Variants in FRK observed in about 807,000 individuals in gnomAD.
The protein encoded by FRK is fyn related Src family tyrosine kinase, also known as tyrosine-protein kinase FRK.
In FRK, 51 loss-of-function variants were observed where a neutral mutation model predicts 56.4. The ratio of observed to expected loss-of-function variants is 0.90; its 90% CI spans 0.72 to 1.14. FRK has a LOEUF of 1.14. Among genes scored for constraint, FRK ranks in the 50% most tolerant of loss-of-function variants. The pLI is 0.00. For synonymous variants in FRK, 245 were observed against 217.9 expected, an observed-to-expected ratio of 1.12 and a Z score of -1.10; for missense variants, 570 against 601.4, an observed-to-expected ratio of 0.95 and a Z score of 0.55.
At chr6:116,042,841 A>G (rs1776775597) in intron 1 of FRK, among the ~76,000 whole-genome samples, 1 of 152,210 alleles carries the variant, frequency 6.6e-6, no homozygotes. Flanking sequence ...CAGGAGATCC[A>G]TCTCACGTGC....
rs1772085850 is a variant in FRK at position 115,938,213 on chromosome 6, T to A, written c.*4201A>T. The A allele has an allele frequency of 6.6e-6, 1 of 152,208 alleles. No individual in the cohort carries two copies. Among genetic ancestry groups the A allele is most frequent in the Non-Finnish European group, 1.5e-5 (1 of 68,050 alleles). 9.4% of individuals were successfully genotyped at this position (152,208 alleles called of 1,614,324 possible). On this transcript the variant is annotated 3_prime_UTR_variant, in exon 8 of 8. Transcript: ENST00000606080. ...ACTACTTGGAAACTGAACAACCTGC[T>A]CCTGAATGACTACTGGGTAAATAAT...
intron 2 of FRK, among the ~76,000 whole-genome samples, chr6:115,976,249 A>G (rs1773987632): frequency 6.6e-6 from 1 of 152,172 alleles, no homozygotes; most frequent in Admixed American, 6.6e-5. Flanking sequence ...ATAAAAGAAT[A>G]CTGTGAGATT....
chr6:116,069,348 T>C, the FRK span, among the ~76,000 whole-genome samples: 650 of 152,328 alleles, frequency 4.3e-3, 7 homozygotes, highest in African/African-American at 0.015. Flanking sequence ...TTACTGTTCA[T>C]CTTCAAGTTT....
At chr6:116,002,240 G>A (rs1292563631) in intron 2 of FRK, among the ~76,000 whole-genome samples, 1 of 152,200 alleles carries the variant, frequency 6.6e-6, no homozygotes, top group Non-Finnish European at 1.5e-5. Flanking sequence ...CCAGCCTGGT[G>A]GAGCATCTTT....
chr6:116,059,763 G>A (rs1160342535), intron 1 of FRK, among the ~76,000 whole-genome samples: 2 of 152,150 alleles, frequency 1.3e-5, no homozygotes, highest in Admixed American at 6.5e-5. Context: ...TACTGTAATT[G>A]AAGTCATCTC....
chr6:116,026,118 C>G (rs1380086598), intron 1 of FRK, among the ~76,000 whole-genome samples: 1 of 152,086 alleles, frequency 6.6e-6, no homozygotes, highest in Non-Finnish European at 1.5e-5. Flanking sequence ...AGTAATCTAC[C>G]AATAACTCAA....
chr6:116,071,248 G>T, the FRK span, among the ~76,000 whole-genome samples: 2 of 152,104 alleles, frequency 1.3e-5, no homozygotes, highest in Non-Finnish European at 2.9e-5. Flanking sequence ...TGATATGTAT[G>T]CATTTGGTTC....
chr6:115,974,838 C>T (rs1257182323), intron 2 of FRK, among the ~76,000 whole-genome samples: 2 of 152,094 alleles, frequency 1.3e-5, no homozygotes, highest in African/African-American at 4.8e-5. Flanking sequence ...ATCCTCAGAG[C>T]CAGCCTTCTC....
At chr6:116,052,122 T>C (rs1777201795) in intron 1 of FRK, among the ~76,000 whole-genome samples, 1 of 152,184 alleles carries the variant, frequency 6.6e-6, no homozygotes, top group African/African-American at 2.4e-5. Context: ...TTACAGTCTG[T>C]TCCTGACTTG....
intron 2 of FRK, among the ~76,000 whole-genome samples, chr6:115,991,475 T>C (rs142301133): frequency 0.012 from 1,840 of 151,938 alleles, 44 homozygotes; most frequent in African/African-American, 0.042. Context: ...GTTTTTATTA[T>C]GAAGGGATGT....
intron 4 of FRK, among the ~76,000 whole-genome samples, chr6:115,957,544 T>C (rs1216555320): frequency 1.3e-5 from 2 of 152,228 alleles, no homozygotes; most frequent in African/African-American, 4.8e-5. Flanking sequence ...AAGAGACTAC[T>C]ACATTCATCA....
chr6:115,962,158 G>C (rs367755672), intron 4 of FRK, among the ~76,000 whole-genome samples: 1 of 137,832 alleles, frequency 7.3e-6, no homozygotes, highest in African/African-American at 2.8e-5. Context: ...CCCATCTCAC[G>C]TGCAGAGACA....
At chr6:116,058,318 T>C (rs1249003178) in intron 1 of FRK, among the ~76,000 whole-genome samples, 1 of 152,232 alleles carries the variant, frequency 6.6e-6, no homozygotes, top group Non-Finnish European at 1.5e-5. Context: ...ACTTGATAAC[T>C]GATCAATTCC....
intron 2 of FRK, among the ~76,000 whole-genome samples, chr6:115,985,917 T>A (rs866882869): frequency 1.3e-5 from 1 of 78,930 alleles, no homozygotes; most frequent in Non-Finnish European, 3.0e-5. Flanking sequence ...TCATTATGAT[T>A]AGAATGCTGA....
intron 2 of FRK, among the ~76,000 whole-genome samples, chr6:115,990,899 A>G (rs1774577407): frequency 6.6e-6 from 1 of 151,930 alleles, no homozygotes; most frequent in East Asian, 1.9e-4. Context: ...CTTCCTATCC[A>G]TGAGCATGGG....
At chr6:116,093,626 C>A in the FRK span, among the ~76,000 whole-genome samples, 1 of 152,218 alleles carries the variant, frequency 6.6e-6, no homozygotes, top group Non-Finnish European at 1.5e-5. Context: ...TGGATCCCCA[C>A]TGGGACCTTG....
At chr6:115,991,499 A>G (rs1774603282) in intron 2 of FRK, among the ~76,000 whole-genome samples, 1 of 151,734 alleles carries the variant, frequency 6.6e-6, no homozygotes, top group Non-Finnish European at 1.5e-5. Flanking sequence ...ATTTTATTGA[A>G]TGTTTTTGCT....
the FRK span, among the ~76,000 whole-genome samples, chr6:116,095,673 T>C: frequency 3.9e-5 from 6 of 152,280 alleles, 1 homozygote; most frequent in South Asian, 1.2e-3. Flanking sequence ...ATGATCCTAC[T>C]ACCACACACT....
chr6:115,948,315 T>A (rs1240703733), intron 5 of FRK, among the ~76,000 whole-genome samples: 1 of 152,122 alleles, frequency 6.6e-6, no homozygotes, highest in Admixed American at 6.6e-5. Context: ...TAAAAGTGGA[T>A]CTACCTCCAT....
Sources: gnomAD v4.1 joint callset for allele counts (sites outside exome capture counted in the v4.1 genomes callset) on GRCh38, gnomAD v4.1.1 for gene constraint, MANE v1.5 for transcripts, NCBI Gene and HGNC (gene_info 2026-07-23, HGNC 2026-07-21) for gene names.